FERMT2: variants seen among roughly 807,000 people sequenced by gnomAD.
FERMT2 encodes the protein FERM domain containing kindlin 2.
Under a neutral mutation model 82.7 loss-of-function variants are expected in FERMT2, and 15 were observed. The observed-to-expected ratio is 0.18, with a 90% CI of 0.12 to 0.28. The LOEUF (loss-of-function observed/expected upper bound fraction) is 0.28, where lower values mean the gene tolerates loss of function less well. FERMT2 is among the 10% of genes least tolerant of loss of function. FERMT2 has a pLI of 1.00. For missense variants in FERMT2, 645 were observed against 809.4 expected (o/e 0.80, Z 2.46); for synonymous variants, 274 against 271.5 (o/e 1.01, Z -0.09).
chr14:52,922,766 G>A (rs1294825904), intron 2 of FERMT2, among the ~76,000 whole-genome samples: 2 of 152,214 alleles, frequency 1.3e-5, no homozygotes, highest in Non-Finnish European at 2.9e-5. Flanking sequence ...TGTGAAGCTG[G>A]AGGTTAGCAA....
intron 4 of FERMT2, among the ~76,000 whole-genome samples, chr14:52,891,823 C>A (rs1223924345): frequency 6.6e-6 from 1 of 152,144 alleles, no homozygotes; most frequent in East Asian, 1.9e-4. Context: ...GGTATATGCC[C>A]ACGATTAAAG....
At chr14:52,940,383 A>C (rs1416278397) in intron 2 of FERMT2, among the ~76,000 whole-genome samples, 1 of 152,220 alleles carries the variant, frequency 6.6e-6, no homozygotes, top group African/African-American at 2.4e-5. Flanking sequence ...AAAATACCAT[A>C]AGACATCATT....
intron 7 of FERMT2, 97 bp downstream of exon 7, chr14:52,878,485 G>A (rs191157067): frequency 4.4e-4 from 332 of 759,080 alleles, no homozygotes; most frequent in African/African-American, 3.5e-3. Flanking sequence ...ATTCTGTCTC[G>A]TGAAATGTTA....
At chr14:52,939,983 A>C (rs1890019061) in intron 2 of FERMT2, among the ~76,000 whole-genome samples, 1 of 152,224 alleles carries the variant, frequency 6.6e-6, no homozygotes, top group African/African-American at 2.4e-5. Flanking sequence ...ATTAAGAAAA[A>C]GATATCAAAA....
At chr14:52,908,726 A>G (rs1165006593) in intron 3 of FERMT2, among the ~76,000 whole-genome samples, 1 of 152,204 alleles carries the variant, frequency 6.6e-6, no homozygotes, top group East Asian at 1.9e-4. Flanking sequence ...GTCAAAATGC[A>G]CTGAATTTTG....
intron 3 of FERMT2, among the ~76,000 whole-genome samples, chr14:52,911,512 G>A (rs989994796): frequency 2.6e-5 from 4 of 151,966 alleles, no homozygotes; most frequent in South Asian, 2.1e-4. Flanking sequence ...TTAGCTGGGC[G>A]TGGTGGCGAG....
chr14:52,949,789 TTAATA>T (rs1890534978), intron 2 of FERMT2, among the ~76,000 whole-genome samples: 1 of 152,210 alleles, frequency 6.6e-6, no homozygotes. Context: ...TGGCTTGTTA[TTAATA>T]TAAAACCGAA....
chr14:52,950,339 C>T, intron 2 of FERMT2, 73 bp downstream of exon 2: 1 of 1,465,904 alleles, frequency 6.8e-7, no homozygotes, highest in Non-Finnish European at 9.4e-7. Flanking sequence ...GCCCCTCCCC[C>T]GTCGTGAGCC....
chr14:52,904,447 G>A (rs111299613), intron 3 of FERMT2, among the ~76,000 whole-genome samples: 1,874 of 152,222 alleles, frequency 0.012, 41 homozygotes, highest in African/African-American at 0.042. Flanking sequence ...AACCTGGGAG[G>A]TGGAGGTTGC....
chr14:52,887,388 C>G (rs1377423394), intron 4 of FERMT2, among the ~76,000 whole-genome samples: 1 of 151,948 alleles, frequency 6.6e-6, no homozygotes, highest in African/African-American at 2.4e-5. Flanking sequence ...TGGCATCTGC[C>G]TGAAGTCCCA....
In FERMT2 at chr14:52,859,657, C is replaced by T; in HGVS notation, c.1785G>A (p.Arg595=). Reference sequence around the variant, plus strand: ...TTGCATCTCCAGTGCTGGCATCCATCCGAATCAGTCTGTTGTATGCAATTC... The same window carrying T: ...TTGCATCTCCAGTGCTGGCATCCATTCGAATCAGTCTGTTGTATGCAATTC... ...LIGIAYNRLI[R]MDASTGDAIK... is the part of the protein sequence containing the mutation. The change falls in exon 14 of 15, where the codon CGG becomes CGA. Residue 595 remains arginine (R), a synonymous_variant. Transcript: ENST00000341590. The T allele has an allele frequency of 3.1e-6, 5 of 1,612,848 alleles. No homozygotes were observed. The Admixed American group carries it at 5.0e-5, about 16-fold the overall frequency.
At chr14:52,879,409 C>T (rs1211741407) in intron 6 of FERMT2, among the ~76,000 whole-genome samples, 3 of 152,088 alleles carry the variant, frequency 2.0e-5, no homozygotes, top group African/African-American at 7.2e-5. Context: ...GTGTCCCTAA[C>T]ATAAAAATCC....
chr14:52,879,537 T>C (rs1886170159), intron 6 of FERMT2, among the ~76,000 whole-genome samples: 1 of 152,152 alleles, frequency 6.6e-6, no homozygotes, highest in Non-Finnish European at 1.5e-5. Flanking sequence ...ACAAAATACA[T>C]CTCCATTCCC....
rs34676786 is a variant in FERMT2 at position 52,877,574 on chromosome 14, C to CTTTTTTTTTTT, written c.963+997_963+1007dup. On this transcript the variant is annotated intron_variant, in intron 7 of 14. Transcript: ENST00000341590. ...CTAAGGTGAAAATTAGCTGTTCTTGCTTTTTTTTTTTTTTTTTTTTTTTTG... is the reference window on the plus strand; with the variant it reads ...CTAAGGTGAAAATTAGCTGTTCTTGCTTTTTTTTTTTTTTTTTTTTTTTTTTTTTTTTTTTG... Among the ~76,000 whole-genome samples, 74 of 67,062 alleles carry CTTTTTTTTTTT rather than the reference C, an allele frequency of 1.1e-3. 14 individuals are homozygous for CTTTTTTTTTTT. The highest frequency in any genetic ancestry group is 1.7e-3 in the African/African-American group (28 of 16,404). 44.0% of individuals were successfully genotyped at this position (67,062 alleles called of 152,430 possible). A position where few individuals can be genotyped will look rare whatever the true frequency, so the allele number is the denominator to read the frequency against.
At chr14:52,949,378 T>TAAA (rs1161313730) in intron 2 of FERMT2, among the ~76,000 whole-genome samples, 2 of 118,184 alleles carry the variant, frequency 1.7e-5, no homozygotes, top group Non-Finnish European at 1.8e-5. Context: ...ATGCTGTGTT[T>TAAA]AAAAAAAAAA....
At chr14:52,928,696 C>T (rs1889419675) in intron 2 of FERMT2, among the ~76,000 whole-genome samples, 1 of 152,190 alleles carries the variant, frequency 6.6e-6, no homozygotes, top group Non-Finnish European at 1.5e-5. Context: ...GAACTTCTCA[C>T]ACTTCTGAGA....
At chr14:52,858,790 G>T (rs1036850903) in intron 14 of FERMT2, 5 of 406,538 alleles carry the variant, frequency 1.2e-5, no homozygotes, top group African/African-American at 9.8e-5. Context: ...GGAATGCAAG[G>T]GTTTTAGGTC....
At chr14:52,898,702 C>T (rs559135426) in intron 3 of FERMT2, among the ~76,000 whole-genome samples, 1 of 148,920 alleles carries the variant, frequency 6.7e-6, no homozygotes, top group Admixed American at 6.9e-5. Context: ...TACACTGCTT[C>T]AACATTAAGT....
At chr14:52,892,064 A>G (rs549939807) in intron 4 of FERMT2, among the ~76,000 whole-genome samples, 43 of 152,270 alleles carry the variant, frequency 2.8e-4, no homozygotes, top group African/African-American at 9.4e-4. Flanking sequence ...AAGTAATGAA[A>G]GGGAATCTAA....
Sources: allele counts gnomAD v4.1 joint callset (sites outside exome capture counted in the v4.1 genomes callset), GRCh38; gene constraint gnomAD v4.1.1; transcripts MANE v1.5; gene names NCBI Gene and HGNC (gene_info 2026-07-23, HGNC 2026-07-21).